ZMIZ1: variants seen among roughly 807,000 people sequenced by gnomAD.
The protein encoded by ZMIZ1 is zinc finger MIZ domain-containing protein 1.
ZMIZ1 carries 17 observed loss-of-function variants against 113.9 expected under a neutral mutation model. The observed-to-expected ratio is 0.15, with a 90% CI of 0.10 to 0.22. The LOEUF is 0.22. Ranked by LOEUF, ZMIZ1 falls within the 10% of genes least tolerant of loss-of-function variation. The pLI is 1.00. For synonymous variants in ZMIZ1, 607 were observed against 603.1 expected, an observed-to-expected ratio of 1.01 and a Z score of -0.09; for missense variants, 1,059 against 1,477.8, an observed-to-expected ratio of 0.72 and a Z score of 4.65.
At chr10:79,187,808 G>T (rs904423769) in intron 4 of ZMIZ1, among the ~76,000 whole-genome samples, 1 of 152,188 alleles carries the variant, frequency 6.6e-6, no homozygotes, top group Non-Finnish European at 1.5e-5. Context: ...GAGAATGAAT[G>T]AACCCAAGGG....
chr10:79,183,498 C>T (rs1273517131), intron 4 of ZMIZ1, among the ~76,000 whole-genome samples: 4 of 152,158 alleles, frequency 2.6e-5, no homozygotes, highest in Non-Finnish European at 4.4e-5. Context: ...GCTGCCTGCC[C>T]TAACAGGGTC....
intron 7 of ZMIZ1, among the ~76,000 whole-genome samples, chr10:79,263,655 C>T (rs1208703962): frequency 6.6e-6 from 1 of 152,244 alleles, no homozygotes; most frequent in African/African-American, 2.4e-5. Flanking sequence ...GGAATGAAGC[C>T]ACTTGAGAGG....
rs538855745 is a variant in ZMIZ1, at chr10:79,299,978, G to T, written c.1809-754G>T. 4.0e-3 allele frequency among the ~76,000 whole-genome samples: 605 copies of T among 150,604 alleles called. 17 individuals carry two copies. The highest frequency in any genetic ancestry group is 5.7e-4 in the Non-Finnish European group (39 of 68,018). On this transcript the variant is annotated intron_variant, in intron 16 of 24. Transcript: ENST00000334512. Reference sequence around the variant, plus strand: ...CTTGACTGCCCAGTGAGCATCTCCAGCGCAAGAGCTGGGTCTGTGCCTGGC... The same window carrying T: ...CTTGACTGCCCAGTGAGCATCTCCATCGCAAGAGCTGGGTCTGTGCCTGGC...
At chr10:79,087,913 G>C (rs1181379235) in intron 1 of ZMIZ1, among the ~76,000 whole-genome samples, 2 of 152,186 alleles carry the variant, frequency 1.3e-5, no homozygotes, top group African/African-American at 4.8e-5. Flanking sequence ...GCCCTTGCTT[G>C]GCAGGATCGC....
intron 4 of ZMIZ1, among the ~76,000 whole-genome samples, chr10:79,174,604 A>C (rs1846746641): frequency 6.6e-6 from 1 of 152,316 alleles, no homozygotes; most frequent in Non-Finnish European, 1.5e-5. Context: ...AGGGATGCTC[A>C]TGTTGGGAAT....
intron 2 of ZMIZ1, among the ~76,000 whole-genome samples, chr10:79,129,458 A>C (rs1315636043): frequency 6.6e-6 from 1 of 152,184 alleles, no homozygotes; most frequent in East Asian, 1.9e-4. Flanking sequence ...TTGCTGGTGC[A>C]GTCGCTCGGC....
At chr10:79,239,833 G>A (rs1022891075) in intron 7 of ZMIZ1, among the ~76,000 whole-genome samples, 2 of 152,148 alleles carry the variant, frequency 1.3e-5, no homozygotes, top group Admixed American at 6.5e-5. Context: ...TGGGTAAACA[G>A]GGGAGCCCTG....
chr10:79,185,888 G>C (rs1847332024), intron 4 of ZMIZ1, among the ~76,000 whole-genome samples: 1 of 152,096 alleles, frequency 6.6e-6, no homozygotes, highest in Non-Finnish European at 1.5e-5. Context: ...TCCATCATCT[G>C]CTCCCTGTAC....
At chr10:79,299,260 C>A (rs1854132107) in intron 16 of ZMIZ1, 69 bp downstream of exon 16, 3 of 1,539,192 alleles carry the variant, frequency 1.9e-6, no homozygotes, top group African/African-American at 2.7e-5. Context: ...CTTCCTTGGG[C>A]CCGAGTGGGG....
In ZMIZ1 at chr10:79,306,122, A is replaced by G; in HGVS notation, c.2446A>G (p.Ile816Val). 1.2e-6 allele frequency: 2 copies of G among 1,613,632 alleles called. No homozygotes were observed. The highest frequency in any genetic ancestry group is 1.7e-6 in the Non-Finnish European group (2 of 1,179,974). ...IQHSEFEEVT[I>V]DPTCSWRPVP... ...CAGCTCCGAGTTTGAAGAGGTCACC[A>G]TCGATCCCACGTGCAGCTGGCGGCC... The change falls in exon 22 of 25, where the codon ATC becomes GTC. Residue 816 changes from isoleucine (I) to valine (V), a missense_variant. Coordinates refer to ENST00000334512, the MANE Select transcript of ZMIZ1 (RefSeq NM_020338.4).
chr10:79,112,557 G>A (rs1843789506), intron 1 of ZMIZ1, among the ~76,000 whole-genome samples: 1 of 152,134 alleles, frequency 6.6e-6, no homozygotes, highest in South Asian at 2.1e-4. Flanking sequence ...TGGCTGAAGG[G>A]GCCTGGAATG....
At chr10:79,228,006 A>T (rs1203826105) in intron 7 of ZMIZ1, among the ~76,000 whole-genome samples, 1 of 152,122 alleles carries the variant, frequency 6.6e-6, no homozygotes, top group Admixed American at 6.5e-5. Flanking sequence ...TGGGCAAGGG[A>T]TGTTTGAAGG....
intron 1 of ZMIZ1, among the ~76,000 whole-genome samples, chr10:79,094,335 A>G (rs1843099409): frequency 6.8e-6 from 1 of 147,452 alleles, no homozygotes. Flanking sequence ...TCTCCCTGCA[A>G]CCCGGAGGGA....
At chr10:79,186,240 A>G (rs4979848) in intron 4 of ZMIZ1, among the ~76,000 whole-genome samples, 29,637 of 152,188 alleles carry the variant, frequency 0.19, 3,307 homozygotes, top group South Asian at 0.3. Flanking sequence ...CTGTGCTCTC[A>G]GGGTCACTTT....
intron 5 of ZMIZ1, 107 bp downstream of exon 5, chr10:79,201,799 C>A: frequency 8.1e-7 from 1 of 1,227,934 alleles, no homozygotes; most frequent in Non-Finnish European, 1.2e-6. Flanking sequence ...GCCTCCTGAC[C>A]ACCTACCTAT....
At chr10:79,241,482 C>T (rs190973441) in intron 7 of ZMIZ1, among the ~76,000 whole-genome samples, 1 of 152,282 alleles carries the variant, frequency 6.6e-6, no homozygotes, top group Non-Finnish European at 1.5e-5. Flanking sequence ...AAGGGAAGTC[C>T]TTCCCCTGGC....
At chr10:79,222,431 A>C (rs1324323322) in intron 7 of ZMIZ1, among the ~76,000 whole-genome samples, 2 of 151,814 alleles carry the variant, frequency 1.3e-5, no homozygotes, top group African/African-American at 2.4e-5. Context: ...AGTGTTTCTG[A>C]CCTCTGTTCA....
intron 8 of ZMIZ1, among the ~76,000 whole-genome samples, chr10:79,279,288 G>C (rs1226985223): frequency 6.6e-6 from 1 of 151,718 alleles, no homozygotes; most frequent in African/African-American, 2.4e-5. Context: ...CCCAGATGGG[G>C]TGGTGGCGGG....
At chr10:79,301,241 C>T (rs139291922) in intron 17 of ZMIZ1, among the ~76,000 whole-genome samples, 9 of 152,296 alleles carry the variant, frequency 5.9e-5, no homozygotes, top group African/African-American at 1.4e-4. Context: ...CCTGGCCCCT[C>T]CTCCCTACCC....
Sources: allele counts gnomAD v4.1 joint callset (sites outside exome capture counted in the v4.1 genomes callset), GRCh38; gene constraint gnomAD v4.1.1; transcripts MANE v1.5; gene names NCBI Gene and HGNC (gene_info 2026-07-23, HGNC 2026-07-21).